RRP15: variants seen among roughly 807,000 people sequenced by gnomAD.
RRP15 encodes the protein ribosomal RNA processing 15 homolog.
RRP15 carries 18 observed loss-of-function variants against 27.1 expected under a neutral mutation model. The observed-to-expected ratio is 0.66, with a 90% CI of 0.46 to 0.98. The LOEUF is 0.98. RRP15 is among the 50% of genes least tolerant of loss of function. The pLI is 0.00. For missense variants in RRP15, 359 were observed against 337.8 expected, an observed-to-expected ratio of 1.06 and a Z score of -0.49; for synonymous variants, 107 against 109.4, an observed-to-expected ratio of 0.98 and a Z score of 0.14.
intron 4 of RRP15, among the ~76,000 whole-genome samples, chr1:218,317,333 C>T (rs1656104823): frequency 6.6e-6 from 1 of 152,208 alleles, no homozygotes. Context: ...TCTCTTCCTT[C>T]TCTCACCCAG....
chr1:218,336,941 A>T lies in RRP15; in HGVS notation c.*5850A>T, dbSNP rs1656458880. Reference sequence around the variant, plus strand: ...TTATATTTACACTGGACATTTTAAGAAATACCAGTGTTCGTTGTTAGATGA... The same window carrying T: ...TTATATTTACACTGGACATTTTAAGTAATACCAGTGTTCGTTGTTAGATGA... On this transcript the variant is annotated 3_prime_UTR_variant, in exon 5 of 5. Coordinates refer to ENST00000366932, the MANE Select transcript of RRP15 (RefSeq NM_016052.4). 6.6e-6 allele frequency: 1 copy of T among 152,206 alleles called. No homozygotes were observed. Among genetic ancestry groups the T allele is most frequent in the Admixed American group, 6.5e-5 (1 of 15,278 alleles). 9.4% of individuals were successfully genotyped at this position (152,206 alleles called of 1,614,324 possible).
intron 4 of RRP15, among the ~76,000 whole-genome samples, chr1:218,326,248 G>A (rs536368316): frequency 1.6e-4 from 25 of 152,330 alleles, no homozygotes; most frequent in African/African-American, 5.3e-4. Flanking sequence ...GGAGGTTGCA[G>A]TGAGCCAAGA....
intron 4 of RRP15, among the ~76,000 whole-genome samples, chr1:218,324,244 G>T (rs534358590): frequency 9.0e-4 from 137 of 152,300 alleles, no homozygotes; most frequent in African/African-American, 3.2e-3. Context: ...CAGCTGCAGG[G>T]GAGGTGCAGG....
chr1:218,302,183 C>G (rs1655819680), intron 1 of RRP15, 111 bp from the exon 2 acceptor site: 1 of 746,460 alleles, frequency 1.3e-6, no homozygotes, highest in Admixed American at 2.4e-5. Flanking sequence ...AGAAAAGTAC[C>G]CCCCTTGCAA....
At chr1:218,314,615 A>G (rs950403548) in intron 4 of RRP15, among the ~76,000 whole-genome samples, 3 of 152,216 alleles carry the variant, frequency 2.0e-5, no homozygotes, top group African/African-American at 7.2e-5. Flanking sequence ...AATTGCCAAT[A>G]TATCAATTTC....
intron 4 of RRP15, among the ~76,000 whole-genome samples, chr1:218,308,246 ATTT>A (rs1655934815): frequency 6.6e-6 from 1 of 150,734 alleles, no homozygotes; most frequent in Admixed American, 6.6e-5. Flanking sequence ...TAATTTTTGT[ATTT>A]TTAGTAGAGA....
At position 218,307,477 on chromosome 1, in the gene RRP15, G is replaced by C. The variant is rs773962947; in HGVS notation, c.550G>C (p.Val184Leu). The change falls in exon 4 of 5, where the codon GTT (valine) becomes CTT (leucine). Residue 184 changes from valine (V) to leucine (L), a missense_variant. Coordinates refer to ENST00000366932, the MANE Select transcript of RRP15 (RefSeq NM_016052.4). ...TGCTGTTCAGAAACATCAAAAGAAT[G>C]TTGATGAAAAGGTTAAGGAAGCTGG... is the stretch of plus-strand genomic sequence containing the variant. ...FNAVQKHQKN[V>L]DEKVKEAGSS... The C allele has an allele frequency of 3.1e-6, 5 of 1,613,970 alleles. No individual in the cohort carries two copies. The highest frequency in any genetic ancestry group is 4.2e-6 in the Non-Finnish European group (5 of 1,179,932).
intron 4 of RRP15, among the ~76,000 whole-genome samples, chr1:218,309,704 A>C (rs1015444836): frequency 5.9e-5 from 9 of 151,594 alleles, no homozygotes; most frequent in African/African-American, 1.2e-4. Context: ...AAAAAAAAAA[A>C]AAAACATATT....
At chr1:218,302,192 A>C in intron 1 of RRP15, 102 bp from the exon 2 acceptor site, 2 of 843,310 alleles carry the variant, frequency 2.4e-6, no homozygotes, top group Non-Finnish European at 3.8e-6. Context: ...CCCCCCTTGC[A>C]AAAATGGGGA....
intron 2 of RRP15, 118 bp downstream of exon 2, chr1:218,302,677 T>C: frequency 6.9e-7 from 1 of 1,445,046 alleles, no homozygotes; most frequent in Non-Finnish European, 9.3e-7. Flanking sequence ...ACTTGTTTTT[T>C]ATGTGAAGGT....
intron 1 of RRP15, chr1:218,301,562 A>T (rs1340544932): frequency 3.3e-5 from 5 of 152,284 alleles, no homozygotes; most frequent in African/African-American, 1.2e-4. Context: ...GGTAACCTGT[A>T]GGTGCTTTTT....
At chr1:218,301,171 C>T (rs1655804429) in intron 1 of RRP15, 1 of 152,198 alleles carries the variant, frequency 6.6e-6, no homozygotes, top group Non-Finnish European at 1.5e-5. Context: ...TACCCAAAGA[C>T]ATCACTGCTA....
rs921284959 is a variant in RRP15, at chr1:218,333,227, A to G, written c.*2136A>G. ...CTTCTGTTAGAAGGCTATGAAGTAT[A>G]TATAAATTATATGACAATTTTTATC... On this transcript the variant is annotated 3_prime_UTR_variant, in exon 5 of 5. Coordinates refer to ENST00000366932, the MANE Select transcript of RRP15 (RefSeq NM_016052.4). 6.6e-6 allele frequency: 1 copy of G among 152,198 alleles called. No individual in the cohort carries two copies. Among genetic ancestry groups the G allele is most frequent in the African/African-American group, 2.4e-5 (1 of 41,456 alleles). 9.4% of individuals were successfully genotyped at this position (152,198 alleles called of 1,614,324 possible). A position where few individuals can be genotyped will look rare whatever the true frequency, so the allele number is the denominator to read the frequency against.
chr1:218,308,618 A>G (rs924958807), intron 4 of RRP15, among the ~76,000 whole-genome samples: 1 of 152,210 alleles, frequency 6.6e-6, no homozygotes, highest in South Asian at 2.1e-4. Flanking sequence ...ATTTTATGCT[A>G]GCCTAGGGTT....
At chr1:218,313,743 T>A (rs1656038128) in intron 4 of RRP15, among the ~76,000 whole-genome samples, 1 of 152,150 alleles carries the variant, frequency 6.6e-6, no homozygotes, top group Non-Finnish European at 1.5e-5. Context: ...TTAAGAATGA[T>A]TAACTTGTTT....
intron 4 of RRP15, among the ~76,000 whole-genome samples, chr1:218,328,230 G>A (rs1275598935): frequency 2.0e-5 from 3 of 152,192 alleles, no homozygotes; most frequent in African/African-American, 7.2e-5. Context: ...TTAGTCTGTT[G>A]TTGCTCTTCT....
intron 2 of RRP15, among the ~76,000 whole-genome samples, chr1:218,303,417 C>T (rs545186275): frequency 7.2e-5 from 11 of 152,230 alleles, no homozygotes; most frequent in South Asian, 2.1e-4. Flanking sequence ...ATACTGGTTG[C>T]TCTGTGTGAA....
At chr1:218,312,317 C>T (rs1178230072) in intron 4 of RRP15, among the ~76,000 whole-genome samples, 9 of 148,278 alleles carry the variant, frequency 6.1e-5, no homozygotes, top group Admixed American at 1.4e-4. Flanking sequence ...CGGTTCAGTG[C>T]TGCTCTGCTC....
intron 4 of RRP15, among the ~76,000 whole-genome samples, chr1:218,318,624 A>G (rs1041905560): frequency 6.6e-6 from 1 of 152,202 alleles, no homozygotes; most frequent in Non-Finnish European, 1.5e-5. Context: ...CCATAATTAC[A>G]TCATATGTGT....
Sources: allele counts gnomAD v4.1 joint callset (sites outside exome capture counted in the v4.1 genomes callset), GRCh38; gene constraint gnomAD v4.1.1; transcripts MANE v1.5; gene names NCBI Gene and HGNC (gene_info 2026-07-23, HGNC 2026-07-21).